The following SOX5 variants were observed in gnomAD, a reference collection of about 807,000 sequenced individuals.
SOX5 encodes the protein transcription factor SOX-5.
In SOX5, 9 loss-of-function variants were observed where a neutral mutation model predicts 92.0. That is an observed-to-expected ratio of 0.10 (90% CI 0.06 to 0.17). The LOEUF is 0.17. Ranked by LOEUF, SOX5 falls within the 10% of genes least tolerant of loss-of-function variation. The pLI is 1.00. For missense variants in SOX5, 642 were observed against 944.5 expected (o/e 0.68, Z 4.20); for synonymous variants, 344 against 336.3 (o/e 1.02, Z -0.25).
At chr12:24,494,155 T>A (rs1439016803) in intron 1 of SOX5, among the ~76,000 whole-genome samples, 1 of 152,114 alleles carries the variant, frequency 6.6e-6, no homozygotes, top group Non-Finnish European at 1.5e-5. Context: ...GTAGAACATA[T>A]ACATAGGGTG....
intron 8 of SOX5, 144 bp downstream of exon 8, chr12:23,640,668 T>C (rs1423869752): frequency 1.5e-6 from 1 of 653,886 alleles, no homozygotes; most frequent in Admixed American, 2.8e-5. Flanking sequence ...TTTCAACTTG[T>C]GGTTGAGGAT....
At chr12:23,551,528 T>A (rs1944223741) in intron 11 of SOX5, among the ~76,000 whole-genome samples, 1 of 151,802 alleles carries the variant, frequency 6.6e-6, no homozygotes, top group South Asian at 2.1e-4. Flanking sequence ...CTCACACAAA[T>A]ACACACTTTC....
At chr12:23,891,752 G>A (rs903324756) in intron 2 of SOX5, among the ~76,000 whole-genome samples, 1 of 152,124 alleles carries the variant, frequency 6.6e-6, no homozygotes, top group South Asian at 2.1e-4. Context: ...TGGCCTGGTA[G>A]CCAGAATAAA....
At chr12:23,980,542 A>G (rs1949477015) in intron 4 of SOX5, among the ~76,000 whole-genome samples, 1 of 152,160 alleles carries the variant, frequency 6.6e-6, no homozygotes, top group Non-Finnish European at 1.5e-5. Flanking sequence ...TGCATATTTG[A>G]GGAAATGTTT....
intron 7 of SOX5, among the ~76,000 whole-genome samples, chr12:23,658,049 G>A (rs11615868): frequency 1.3e-5 from 2 of 152,114 alleles, no homozygotes. Context: ...ATATGTTGGG[G>A]TGGAAGTTGG....
chr12:23,874,722 C>G (rs1052313229), intron 2 of SOX5, among the ~76,000 whole-genome samples: 1 of 152,122 alleles, frequency 6.6e-6, no homozygotes, highest in Non-Finnish European at 1.5e-5. Flanking sequence ...CTACTGAGTA[C>G]AAATATACTC....
chr12:24,276,172 C>T (rs1470064026), intron 3 of SOX5, among the ~76,000 whole-genome samples: 1 of 152,032 alleles, frequency 6.6e-6, no homozygotes, highest in Non-Finnish European at 1.5e-5. Context: ...ACTTATTCCA[C>T]TTTTGTTAGT....
At chr12:23,949,896 C>T (rs78328600), upstream of SOX5, among the ~76,000 whole-genome samples, 6,101 of 150,692 alleles carry the variant, frequency 0.04, 203 homozygotes, top group East Asian at 0.16. Context: ...CTCCCCCCTC[C>T]GCGGAGCCAC....
chr12:24,414,113 A>G (rs1037687551), intron 1 of SOX5, among the ~76,000 whole-genome samples: 1 of 152,210 alleles, frequency 6.6e-6, no homozygotes, highest in East Asian at 1.9e-4. Context: ...AGATACTATA[A>G]TTAAATAATA....
chr12:23,547,381 T>A (rs1943338160), intron 11 of SOX5, among the ~76,000 whole-genome samples: 1 of 152,064 alleles, frequency 6.6e-6, no homozygotes, highest in Non-Finnish European at 1.5e-5. Context: ...TTATAATTAT[T>A]CACCTCATTT....
chr12:24,301,728 T>C (rs1351949787), intron 2 of SOX5, among the ~76,000 whole-genome samples: 1 of 152,206 alleles, frequency 6.6e-6, no homozygotes. Flanking sequence ...TGCGCACACG[T>C]AAATTTGTAC....
At chr12:24,262,460 A>G (rs551120401) in intron 3 of SOX5, among the ~76,000 whole-genome samples, 1 of 152,202 alleles carries the variant, frequency 6.6e-6, no homozygotes, top group Non-Finnish European at 1.5e-5. Context: ...GATTTCTCCC[A>G]GATGTTGTGG....
chr12:23,949,699 TTC>T (rs1482751697), upstream of SOX5: 2 of 1,586,706 alleles, frequency 1.3e-6, no homozygotes, highest in East Asian at 2.3e-5. Context: ...CCAATTGATT[TTC>T]TCTCTGTCTC....
Position 23,975,592 on chromosome 12 carries a change from G to A in SOX5, c.-1-79568C>T, listed in dbSNP as rs1038467904. 2.6e-5 allele frequency among the ~76,000 whole-genome samples: 4 copies of A among 152,094 alleles called. No individual in the cohort carries two copies. In the East Asian group the frequency reaches 5.8e-4, roughly 22 times the overall value. On this transcript the variant is annotated intron_variant, in intron 4 of 4. Transcript: ENST00000446891. ...TGGGACAGTGTGATGTCATGATTAA[G>A]CCATGGGATCTAGAGCCAAACTATC...
intron 4 of SOX5, among the ~76,000 whole-genome samples, chr12:24,160,368 GC>G (rs1255845235): frequency 6.6e-6 from 1 of 151,976 alleles, no homozygotes; most frequent in African/African-American, 2.4e-5. Flanking sequence ...AAGAAGAATG[GC>G]CTAGTGACCA....
At chr12:24,074,784 C>T (rs1942316691) in intron 4 of SOX5, among the ~76,000 whole-genome samples, 1 of 152,100 alleles carries the variant, frequency 6.6e-6, no homozygotes, top group South Asian at 2.1e-4. Flanking sequence ...TATCACACTT[C>T]TCTTGAAAGT....
chr12:24,151,576 T>G (rs1429621758), intron 4 of SOX5, among the ~76,000 whole-genome samples: 1 of 152,134 alleles, frequency 6.6e-6, no homozygotes, highest in Non-Finnish European at 1.5e-5. Flanking sequence ...AGGTTTTTTT[T>G]TGTTTTGTTT....
chr12:23,934,938 G>A (rs1197077805), intron 1 of SOX5, among the ~76,000 whole-genome samples: 1 of 151,212 alleles, frequency 6.6e-6, no homozygotes, highest in African/African-American at 2.4e-5. Context: ...AGTACTCTTG[G>A]AACTACAAAG....
intron 6 of SOX5, among the ~76,000 whole-genome samples, chr12:23,699,706 T>C (rs1280769168): frequency 1.3e-5 from 2 of 152,168 alleles, no homozygotes; most frequent in Admixed American, 6.5e-5. Flanking sequence ...TGAGTATATG[T>C]TTCCTTAAGT....
Sources: allele counts gnomAD v4.1 joint callset (sites outside exome capture counted in the v4.1 genomes callset), GRCh38; gene constraint gnomAD v4.1.1; transcripts MANE v1.5; gene names NCBI Gene and HGNC (gene_info 2026-07-23, HGNC 2026-07-21).